Variants in MYO1A observed in about 807,000 individuals in gnomAD.
The protein encoded by MYO1A is myosin IA.
Under a neutral mutation model 138.5 loss-of-function variants are expected in MYO1A, and 127 were observed. The ratio of observed to expected loss-of-function variants is 0.92; its 90% CI spans 0.79 to 1.06. The LOEUF (loss-of-function observed/expected upper bound fraction) is 1.06, where lower values mean the gene tolerates loss of function less well. Ranked by LOEUF, MYO1A falls within the 50% of genes least tolerant of loss-of-function variation. The pLI is 0.00. For missense variants in MYO1A, 1,211 were observed against 1,288.8 expected, an observed-to-expected ratio of 0.94 and a Z score of 0.92; for synonymous variants, 477 against 497.5, an observed-to-expected ratio of 0.96 and a Z score of 0.55.
At position 57,041,201 on chromosome 12, in the gene MYO1A, C is replaced by T. The variant is rs1170083146; in HGVS notation, c.1252G>A (p.Glu418Lys). 1 of 1,613,106 alleles carries T rather than the reference C, an allele frequency of 6.2e-7. No homozygotes were observed. The highest frequency in any genetic ancestry group is 1.3e-5 in the African/African-American group (1 of 74,910). The change falls in exon 14 of 28, where the codon GAG becomes AAG. Residue 418 changes from glutamate to lysine, a missense_variant. Physicochemically the swap from Glu to Lys is moderately conservative, Grantham distance 56 (BLOSUM62 1). Transcript: ENST00000300119. Reference protein sequence around the residue: ...FIEMTLKEEQEEYKREGIPWT... With the variant: ...FIEMTLKEEQKEYKREGIPWT... ...TGGTTTACTTCTCTCTTATATTCCT[C>T]TTGCTCTTCTTTCAGGGTCATCTCT... is the stretch of plus-strand genomic sequence containing the variant.
intron 22 of MYO1A, among the ~76,000 whole-genome samples, chr12:57,033,577 A>C (rs2030391979): frequency 6.6e-6 from 1 of 152,044 alleles, no homozygotes; most frequent in African/African-American, 2.4e-5. Context: ...CAGACTGGTC[A>C]CAAATTCCTG....
chr12:57,049,864 TGACAGGTCAA>T lies in MYO1A; in HGVS notation c.-21+13_-21+22del, dbSNP rs1371734381. 6.6e-6 allele frequency: 1 copy of T among 152,116 alleles called. No individual in the cohort carries two copies. The highest frequency in any genetic ancestry group is 2.4e-5 in the African/African-American group (1 of 41,412). 9.4% of individuals were successfully genotyped at this position (152,116 alleles called of 1,614,324 possible). ...GCCCCAAGGTGTTAAAGAGAAGCAG[TGACAGGTCAA>T]GGCAGGACTCACCCAACACTGGAAC... On this transcript the variant is annotated intron_variant, in intron 1 of 27. Coordinates refer to ENST00000300119, the MANE Select transcript of MYO1A (RefSeq NM_005379.4).
chr12:57,044,905 C>T (rs1202374264), intron 8 of MYO1A, among the ~76,000 whole-genome samples: 1 of 152,212 alleles, frequency 6.6e-6, no homozygotes, highest in Non-Finnish European at 1.5e-5. Flanking sequence ...ATATCTCCTG[C>T]CTGCCCCCAG....
In MYO1A at chr12:57,048,148, G is replaced by T. The variant is rs368494922; in HGVS notation, c.115-44C>A. On this transcript the variant is annotated intron_variant, in intron 2 of 27. Coordinates refer to ENST00000300119, the MANE Select transcript of MYO1A (RefSeq NM_005379.4). The stretch of plus-strand genomic sequence containing the variant: ...TGAAGGGAATGAGCTTGAGGGTGAG[G>T]TGGGAGCCTGTGACCTCTCCAGCCA... 122 of 1,599,198 alleles carry T rather than the reference G, an allele frequency of 7.6e-5. No homozygotes were observed. The African/African-American group carries it at 1.5e-3, about 20-fold the overall frequency.
intron 23 of MYO1A, 136 bp from the exon 24 acceptor site, chr12:57,030,452 G>C (rs1195517874): frequency 5.7e-6 from 4 of 698,682 alleles, no homozygotes; most frequent in Non-Finnish European, 9.9e-6. Flanking sequence ...AGACACCTCA[G>C]GGAGAGGCCG....
chr12:57,037,636 C>A lies in MYO1A; in HGVS notation c.1967G>T (p.Gly656Val), dbSNP rs1170857024. 5 of 1,614,062 alleles carry A rather than the reference C, an allele frequency of 3.1e-6. No individual in the cohort carries two copies. The Admixed American group carries it at 8.3e-5, about 27-fold the overall frequency. ...WPHWNGGDREGVEKVLGELSM... is the reference protein window; with the variant it reads ...WPHWNGGDREVVEKVLGELSM... ...CAGCTCCCCCAGGACCTTCTCAACACCTTCCCTATGGAAGCAAATGACAGA... is the reference window on the plus strand; with the variant it reads ...CAGCTCCCCCAGGACCTTCTCAACAACTTCCCTATGGAAGCAAATGACAGA... Residue 656 changes from glycine (G) to valine (V), a missense_variant, in exon 19 of 28, where the codon GGT becomes GTT. By Grantham distance (109) the Gly-to-Val change is moderately radical. Transcript: ENST00000300119.
chr12:57,035,427 T>C (rs2030489939), intron 22 of MYO1A, among the ~76,000 whole-genome samples: 1 of 152,176 alleles, frequency 6.6e-6, no homozygotes, highest in South Asian at 2.1e-4. Flanking sequence ...CATTCCTCTC[T>C]TGAGCTGAGG....
chr12:57,037,545 C>A lies in MYO1A; in HGVS notation c.2055+3G>T. Reference sequence around the variant, plus strand: ...CCAAATGCTAATGCACTCTCTAACTCACAGTCTTGGGGCTTCTAATGAAGA... The same window carrying A: ...CCAAATGCTAATGCACTCTCTAACTAACAGTCTTGGGGCTTCTAATGAAGA... On this transcript the variant is annotated splice_donor_region_variant and intron_variant, in intron 19 of 27. Coordinates refer to ENST00000300119, the MANE Select transcript of MYO1A (RefSeq NM_005379.4). 6.2e-7 allele frequency: 1 copy of A among 1,613,872 alleles called. No individual in the cohort carries two copies. Among genetic ancestry groups the A allele is most frequent in the Middle Eastern group, 1.6e-4 (1 of 6,062 alleles).
Position 57,031,131 on chromosome 12 carries a change from G to A in MYO1A, c.2393C>T (p.Thr798Ile). 1 of 1,614,184 alleles carries A rather than the reference G, an allele frequency of 6.2e-7. No individual in the cohort carries two copies. The highest frequency in any genetic ancestry group is 1.1e-5 in the South Asian group (1 of 91,086). The stretch of plus-strand genomic sequence containing the variant: ...TGGCCATGTCTTGTCTAAGACGTTT[G>A]TGGATGGCAAATTGTTCTTCAGCCC... Reference protein sequence around the residue: ...LLGLKNNLPSTNVLDKTWPAA... With the variant: ...LLGLKNNLPSINVLDKTWPAA... Residue 798 changes from threonine to isoleucine, a missense_variant, in exon 23 of 28, where the codon ACA becomes ATA. Coordinates refer to ENST00000300119, the MANE Select transcript of MYO1A (RefSeq NM_005379.4).
chr12:57,039,745 G>A (rs2030773392), intron 14 of MYO1A, among the ~76,000 whole-genome samples: 1 of 152,184 alleles, frequency 6.6e-6, no homozygotes, highest in South Asian at 2.1e-4. Flanking sequence ...AAATTTGAGT[G>A]TGCAGCACAA....
At position 57,028,850 on chromosome 12, in the gene MYO1A, C is replaced by T. The variant is rs956960371; in HGVS notation, c.3037G>A (p.Ala1013Thr). The change falls in exon 28 of 28, where the codon GCT becomes ACT. Residue 1013 changes from alanine (A) to threonine (T), a missense_variant. Ala to Thr is a moderately conservative substitution (Grantham distance 58). Coordinates refer to ENST00000300119, the MANE Select transcript of MYO1A (RefSeq NM_005379.4). ...GCAGGGCCCTGGACGACCTTGACAG[C>T]CACACTGTTCTCCTTGAACCTCACT... The part of the protein sequence containing the change: ...FSVRFKENSV[A>T]VKVVQGPAGG... The T allele has an allele frequency of 6.2e-7, 1 of 1,614,028 alleles. No individual in the cohort carries two copies. The highest frequency in any genetic ancestry group is 8.5e-7 in the Non-Finnish European group (1 of 1,179,986).
chr12:57,045,895 C>T (rs1202502896), intron 8 of MYO1A, among the ~76,000 whole-genome samples: 2 of 152,184 alleles, frequency 1.3e-5, no homozygotes, highest in African/African-American at 4.8e-5. Flanking sequence ...GCCCCGATCA[C>T]ACAATATTAC....
intron 10 of MYO1A, 133 bp downstream of exon 10, chr12:57,043,723 G>T: frequency 8.5e-7 from 1 of 1,174,370 alleles, no homozygotes. Context: ...GTCTGTTTAG[G>T]GGAGAACTCA....
intron 14 of MYO1A, among the ~76,000 whole-genome samples, chr12:57,040,869 G>A (rs542404239): frequency 6.6e-6 from 1 of 152,224 alleles, no homozygotes; most frequent in African/African-American, 2.4e-5. Context: ...AAGAGATGTG[G>A]TTGGGCCAAA....
intron 19 of MYO1A, 115 bp downstream of exon 19, chr12:57,037,433 T>A: frequency 3.1e-6 from 3 of 969,264 alleles, no homozygotes; most frequent in South Asian, 2.6e-5. Context: ...AAGCTTCCCA[T>A]CCACTGGACA....
chr12:57,046,066 T>C (rs930831849), intron 8 of MYO1A, among the ~76,000 whole-genome samples: 2 of 152,166 alleles, frequency 1.3e-5, no homozygotes, highest in African/African-American at 4.8e-5. Context: ...AGTGAATGAA[T>C]GAATGAAAAG....
rs760467546 is a variant in MYO1A, at chr12:57,029,425, GC to G, written c.2877+9del. The G allele has an allele frequency of 4.6e-5, 75 of 1,613,986 alleles. No individual in the cohort carries two copies. The highest frequency in any genetic ancestry group is 6.2e-5 in the Non-Finnish European group (73 of 1,180,030). On this transcript the variant is annotated intron_variant, in intron 26 of 27. Coordinates refer to ENST00000300119, the MANE Select transcript of MYO1A (RefSeq NM_005379.4). The stretch of plus-strand genomic sequence containing the variant: ...TCCAGTCCAAGGCTTGCCCCACCCA[GC>G]TCTGATACCTCACTCAGATGCAAGC...
At chr12:57,047,021 C>A in intron 6 of MYO1A, 40 bp downstream of exon 6, 8 of 1,613,558 alleles carry the variant, frequency 5.0e-6, no homozygotes, top group Non-Finnish European at 6.8e-6. Flanking sequence ...CTCTTAAGCC[C>A]CCACATCCTC....
rs1375815128 is a variant in MYO1A at position 57,039,102 on chromosome 12, C to T, written c.1333-93G>A. ...TGCCCCCTTTCTCCACTCTTATCTT[C>T]TGCCCTCTTTACTGTCCCTACCAAG... On this transcript the variant is annotated intron_variant, in intron 15 of 27. Transcript: ENST00000300119. 13 of 1,564,492 alleles carry T rather than the reference C, an allele frequency of 8.3e-6. No homozygotes were observed. The Admixed American group carries it at 2.1e-4, about 25-fold the overall frequency.
Sources: gnomAD v4.1 joint callset for allele counts (sites outside exome capture counted in the v4.1 genomes callset) on GRCh38, gnomAD v4.1.1 for gene constraint, MANE v1.5 for transcripts, NCBI Gene and HGNC (gene_info 2026-07-23, HGNC 2026-07-21) for gene names.